VPS37A: variants seen among roughly 807,000 people sequenced by gnomAD.
VPS37A encodes vacuolar protein sorting-associated protein 37A.
A neutral mutation model predicts 49.8 loss-of-function variants in VPS37A; 30 were observed. The ratio of observed to expected loss-of-function variants is 0.60; its 90% CI spans 0.45 to 0.82. The LOEUF is 0.82. VPS37A is among the 40% of genes least tolerant of loss of function. The pLI is 0.00. For missense variants in VPS37A, 593 were observed against 464.4 expected, an observed-to-expected ratio of 1.28 and a Z score of -2.55; for synonymous variants, 195 against 160.6, an observed-to-expected ratio of 1.21 and a Z score of -1.62.
At chr8:17,287,813 A>C (rs1207234412) in intron 11 of VPS37A, among the ~76,000 whole-genome samples, 1 of 152,160 alleles carries the variant, frequency 6.6e-6, no homozygotes, top group African/African-American at 2.4e-5. Context: ...TAACTGACCC[A>C]GTATGGGCAA....
downstream of VPS37A, among the ~76,000 whole-genome samples, chr8:17,305,012 T>A (rs951266847): frequency 2.6e-5 from 4 of 152,150 alleles, no homozygotes; most frequent in Admixed American, 2.6e-4. Context: ...TAGAATTGGC[T>A]AGTCAGGTAC....
the VPS37A span, among the ~76,000 whole-genome samples, chr8:17,329,905 A>C: frequency 1.3e-5 from 2 of 152,206 alleles, no homozygotes; most frequent in Admixed American, 6.5e-5. Flanking sequence ...AATTATGTAC[A>C]GAAGATGGAA....
chr8:17,308,010 A>G, the VPS37A span, among the ~76,000 whole-genome samples: 1 of 152,022 alleles, frequency 6.6e-6, no homozygotes, highest in African/African-American at 2.4e-5. Context: ...CACGTTGTGC[A>G]CATGTACCCT....
At position 17,273,080 on chromosome 8, in the gene VPS37A, G is replaced by A. The variant is rs374067232; in HGVS notation, c.417-1653G>A. On this transcript the variant is annotated intron_variant, in intron 4 of 11. Transcript: ENST00000324849. ...GGGGGTCACTAAATGATATGGTTTT[G>A]GAAAGTTTTTCATGTTAGTACTAAG... Among the ~76,000 whole-genome samples the A allele has an allele frequency of 3.9e-5, 4 of 103,280 alleles. No homozygotes were observed. The East Asian group carries it at 1.1e-3, about 30-fold the overall frequency. 67.8% of individuals were successfully genotyped at this position (103,280 alleles called of 152,430 possible).
chr8:17,275,409 C>T (rs558123427), intron 5 of VPS37A, among the ~76,000 whole-genome samples: 75 of 152,278 alleles, frequency 4.9e-4, no homozygotes, highest in African/African-American at 1.7e-3. Flanking sequence ...CAAGGGGATA[C>T]ATAAGGCATT....
chr8:17,295,424 T>G lies in VPS37A; in HGVS notation c.*438T>G, dbSNP rs1816547317. ...CTATTTTCAACTGTGAGGAAACCCT[T>G]ATTTTTCTTTCTTTGTGGATAAAAC... On this transcript the variant is annotated 3_prime_UTR_variant, in exon 12 of 12. Transcript: ENST00000324849. The G allele has an allele frequency of 6.6e-6, 1 of 152,642 alleles. No homozygotes were observed. Among genetic ancestry groups the G allele is most frequent in the Non-Finnish European group, 1.5e-5 (1 of 68,030 alleles). The allele number at this position is 152,642 out of a possible 1,614,324, so 9.5% of individuals were successfully genotyped here.
intron 2 of VPS37A, 126 bp from the exon 3 acceptor site, chr8:17,268,132 C>T: frequency 1.6e-6 from 1 of 613,526 alleles, no homozygotes; most frequent in Non-Finnish European, 2.8e-6. Context: ...GCACTTATTA[C>T]TAAATGACCC....
At chr8:17,317,708 C>A in the VPS37A span, among the ~76,000 whole-genome samples, 2 of 152,190 alleles carry the variant, frequency 1.3e-5, no homozygotes, top group South Asian at 2.1e-4. Flanking sequence ...TTCAGAGATA[C>A]CTGATGGCTC....
the VPS37A span, among the ~76,000 whole-genome samples, chr8:17,314,083 C>T: frequency 6.6e-6 from 1 of 152,094 alleles, no homozygotes; most frequent in South Asian, 2.1e-4. Flanking sequence ...GTATAAACAC[C>T]TCTATAATAT....
chr8:17,331,868 G>A, the VPS37A span, among the ~76,000 whole-genome samples: 7 of 152,078 alleles, frequency 4.6e-5, no homozygotes, highest in East Asian at 1.9e-4. Context: ...TCCACCAGCC[G>A]CCTTATTTAA....
the VPS37A span, among the ~76,000 whole-genome samples, chr8:17,331,754 A>G: frequency 6.6e-6 from 1 of 152,364 alleles, no homozygotes; most frequent in Admixed American, 6.5e-5. Context: ...TGGTTGCATC[A>G]TTCTAATTTG....
rs141135402 is a variant in VPS37A at position 17,280,864 on chromosome 8, A to G, written c.969+421A>G. Among the ~76,000 whole-genome samples, 6 of 152,152 alleles carry G rather than the reference A, an allele frequency of 3.9e-5. No homozygotes were observed. The East Asian group carries it at 1.2e-3, about 29-fold the overall frequency. The stretch of plus-strand genomic sequence containing the variant: ...ATCTGCTACAAATAAGTTTTATGCT[A>G]GAAATCCAGTTATGTGAAAATCAAA... On this transcript the variant is annotated intron_variant, in intron 9 of 11. Coordinates refer to ENST00000324849, the MANE Select transcript of VPS37A (RefSeq NM_152415.3).
intron 4 of VPS37A, among the ~76,000 whole-genome samples, chr8:17,270,728 T>TCACATTCTTCCTCCTAGCCGTAAGA (rs1177476189): frequency 6.6e-6 from 1 of 152,144 alleles, no homozygotes; most frequent in Non-Finnish European, 1.5e-5. Flanking sequence ...ATAAAGTCGG[T>TCACATTCTTCCTCCTAGCCGTAAGA]CACATTCTTC....
chr8:17,318,387 G>A, the VPS37A span, among the ~76,000 whole-genome samples: 1 of 152,118 alleles, frequency 6.6e-6, no homozygotes, highest in African/African-American at 2.4e-5. Context: ...CAGCGTTCAT[G>A]ATAATGGCTA....
chr8:17,316,229 T>A, the VPS37A span, among the ~76,000 whole-genome samples: 3 of 152,082 alleles, frequency 2.0e-5, no homozygotes, highest in Non-Finnish European at 2.9e-5. Context: ...ATTATTTATG[T>A]TAGCCCTTAT....
In VPS37A at chr8:17,287,369, C is replaced by G. The variant is rs147895805; in HGVS notation, c.*942C>G. ...TTGGTTGTTTCTTATTTCTGCATCT[C>G]TATTCTTTTTTAAAATTTTTTCTGG... On this transcript the variant is annotated intron_variant, in intron 11 of 11. Transcript: ENST00000324849. 2.2e-3 allele frequency among the ~76,000 whole-genome samples: 333 copies of G among 152,186 alleles called. 3 individuals carry two copies. The highest frequency in any genetic ancestry group is 7.5e-3 in the African/African-American group (310 of 41,532).
rs1811285280 is a variant in VPS37A at position 17,247,059 on chromosome 8, G to A, written c.-186G>A. On this transcript the variant is annotated 5_prime_UTR_variant, in exon 1 of 12. Transcript: ENST00000324849. Reference sequence around the variant, plus strand: ...AAGTTTCCCTCTCCAGCCGCCCGCCGTTCGTAGCATGTCCCCCAGAACTCG... The same window carrying A: ...AAGTTTCCCTCTCCAGCCGCCCGCCATTCGTAGCATGTCCCCCAGAACTCG... 1 of 743,810 alleles carries A rather than the reference G, an allele frequency of 1.3e-6. No homozygotes were observed. Among genetic ancestry groups the A allele is most frequent in the Non-Finnish European group, 2.1e-6 (1 of 468,446 alleles). The allele number at this position is 743,810 out of a possible 1,614,324, so 46.1% of individuals were successfully genotyped here. A position where few individuals can be genotyped will look rare whatever the true frequency, so the allele number is the denominator to read the frequency against.
chr8:17,333,330 T>C, the VPS37A span, among the ~76,000 whole-genome samples: 3 of 152,242 alleles, frequency 2.0e-5, no homozygotes, highest in Non-Finnish European at 4.4e-5. Flanking sequence ...TTTGTAAAAT[T>C]ACCTATAGAC....
Position 17,280,263 on chromosome 8 carries a change from G to C in VPS37A, c.866G>C (p.Ser289Thr). Residue 289 changes from serine (S) to threonine (T), a missense_variant, in exon 8 of 12, where the codon AGC becomes ACC. Physicochemically the swap from Ser to Thr is moderately conservative, Grantham distance 58. Coordinates refer to ENST00000324849, the MANE Select transcript of VPS37A (RefSeq NM_152415.3). ...GGAAAAAATCTCCTTTTGGAGCCCA[G>C]CTTGGAAGCCAAAAGACAAACTGTT... ...LARKNLLLEPSLEAKRQTVLD... is the reference protein window; with the variant it reads ...LARKNLLLEPTLEAKRQTVLD... The C allele has an allele frequency of 1.2e-6, 2 of 1,612,712 alleles. No individual in the cohort carries two copies. The highest frequency in any genetic ancestry group is 1.7e-6 in the Non-Finnish European group (2 of 1,179,278).
Sources: allele counts gnomAD v4.1 joint callset (sites outside exome capture counted in the v4.1 genomes callset), GRCh38; gene constraint gnomAD v4.1.1; transcripts MANE v1.5; gene names NCBI Gene and HGNC (gene_info 2026-07-23, HGNC 2026-07-21).